Variants in ARIH1 observed in about 807,000 individuals in gnomAD.
ARIH1 encodes the protein E3 ubiquitin-protein ligase ARIH1.
In ARIH1, 8 loss-of-function variants were observed where a neutral mutation model predicts 85.0. The observed-to-expected ratio is 0.09, with a 90% confidence interval of 0.06 to 0.17. The LOEUF (loss-of-function observed/expected upper bound fraction) is 0.17. ARIH1 is among the 10% of genes least tolerant of loss of function. The probability of loss-of-function intolerance (pLI) is 1.00; values close to 1 mark genes in which losing one functional copy is unlikely to be tolerated. For synonymous variants in ARIH1, 238 were observed against 253.6 expected (o/e 0.94, Z 0.59); for missense variants, 311 against 718.1 (o/e 0.43, Z 6.48).
chr15:72,501,609 T>A (rs905540227), intron 1 of ARIH1, among the ~76,000 whole-genome samples: 1 of 152,238 alleles, frequency 6.6e-6, no homozygotes, highest in South Asian at 2.1e-4. Flanking sequence ...TTTGCTTGTG[T>A]GTTTGGTGGA....
At position 72,599,810 on chromosome 15, in the gene ARIH1, CAG is replaced by C. The variant is rs2064376071; in HGVS notation, c.*16519_*16520del. 6.6e-6 allele frequency: 1 copy of C among 152,092 alleles called. No individual in the cohort carries two copies. Among genetic ancestry groups the C allele is most frequent in the South Asian group, 2.1e-4 (1 of 4,824 alleles). 9.4% of individuals were successfully genotyped at this position (152,092 alleles called of 1,614,324 possible). A position where few individuals can be genotyped will look rare whatever the true frequency, so the allele number is the denominator to read the frequency against. On this transcript the variant is annotated 3_prime_UTR_variant, in exon 14 of 14. Coordinates refer to ENST00000379887, the MANE Select transcript of ARIH1 (RefSeq NM_005744.5). ...CTGGTGATGGACATTTCCATGTTTCCAGTATTTTTTCTCACAAACAATGCAGT... is the reference window on the plus strand; with the variant it reads ...CTGGTGATGGACATTTCCATGTTTCCTATTTTTTCTCACAAACAATGCAGT...
At chr15:72,527,804 G>T (rs16957050) in intron 2 of ARIH1, among the ~76,000 whole-genome samples, 4,543 of 152,212 alleles carry the variant, frequency 0.03, 113 homozygotes, top group East Asian at 0.11. Flanking sequence ...GCTTTGCACT[G>T]TATTGTTTAT....
intron 3 of ARIH1, among the ~76,000 whole-genome samples, chr15:72,548,683 T>C (rs2064140169): frequency 6.6e-6 from 1 of 152,220 alleles, no homozygotes; most frequent in African/African-American, 2.4e-5. Context: ...CTCTTCAGTT[T>C]TGGAAGTAAA....
At chr15:72,537,171 C>T (rs2064086021) in intron 2 of ARIH1, among the ~76,000 whole-genome samples, 1 of 151,924 alleles carries the variant, frequency 6.6e-6, no homozygotes, top group African/African-American at 2.4e-5. Flanking sequence ...GGTTTTCTAT[C>T]CTTAACTCCT....
intron 1 of ARIH1, among the ~76,000 whole-genome samples, chr15:72,475,812 G>A (rs2063792749): frequency 1.3e-5 from 2 of 152,182 alleles, no homozygotes; most frequent in Middle Eastern, 3.2e-3. Flanking sequence ...TTTTCTGCTT[G>A]TGAACTCCTT....
chr15:72,528,627 G>A (rs1174250575), intron 2 of ARIH1, among the ~76,000 whole-genome samples: 3 of 152,164 alleles, frequency 2.0e-5, no homozygotes, highest in African/African-American at 7.2e-5. Context: ...ACTGTGGCAG[G>A]AAGATCGCTT....
chr15:72,477,804 G>GT (rs1432829188), intron 1 of ARIH1, among the ~76,000 whole-genome samples: 1 of 152,160 alleles, frequency 6.6e-6, no homozygotes, highest in African/African-American at 2.4e-5. Context: ...AAAAATCAGA[G>GT]TTTTTTATTT....
intron 2 of ARIH1, among the ~76,000 whole-genome samples, chr15:72,518,854 A>G (rs960809757): frequency 2.6e-5 from 4 of 151,932 alleles, no homozygotes; most frequent in African/African-American, 9.7e-5. Flanking sequence ...TTTATTCAGT[A>G]GAAACAAAAT....
intron 3 of ARIH1, among the ~76,000 whole-genome samples, chr15:72,553,207 G>A (rs1216473643): frequency 1.3e-5 from 2 of 152,016 alleles, no homozygotes; most frequent in Admixed American, 6.6e-5. Flanking sequence ...TTTAAAATAA[G>A]GTAACCATTA....
At chr15:72,556,027 T>G in intron 5 of ARIH1, 120 bp downstream of exon 5, 1 of 795,630 alleles carries the variant, frequency 1.3e-6, no homozygotes, top group Non-Finnish European at 2.0e-6. Flanking sequence ...CTTTTTAATC[T>G]GCGTTCCTTA....
At chr15:72,577,442 G>A (rs1457732070) in intron 11 of ARIH1, among the ~76,000 whole-genome samples, 1 of 152,058 alleles carries the variant, frequency 6.6e-6, no homozygotes, top group Non-Finnish European at 1.5e-5. Flanking sequence ...GGAAGCTGAG[G>A]TGGGCAGATT....
chr15:72,561,997 TAAAAG>T (rs1318306179), intron 6 of ARIH1, among the ~76,000 whole-genome samples: 1 of 151,222 alleles, frequency 6.6e-6, no homozygotes, highest in Non-Finnish European at 1.5e-5. Context: ...TAAAATAAAA[TAAAAG>T]AGTATGAGAA....
chr15:72,493,327 T>C (rs553131268), intron 1 of ARIH1, among the ~76,000 whole-genome samples: 1 of 152,154 alleles, frequency 6.6e-6, no homozygotes, highest in African/African-American at 2.4e-5. Context: ...TTACTTCTTA[T>C]GGATTGTTGA....
chr15:72,563,620 C>A, intron 7 of ARIH1, 120 bp downstream of exon 7: 1 of 787,920 alleles, frequency 1.3e-6, no homozygotes, highest in Non-Finnish European at 2.1e-6. Flanking sequence ...ATGTTTGATA[C>A]TGGTTTAAAA....
chr15:72,566,356 A>G, intron 7 of ARIH1: 1 of 537,958 alleles, frequency 1.9e-6, no homozygotes, highest in East Asian at 3.2e-5. Flanking sequence ...CATTCTTCAC[A>G]CATATTGAGT....
intron 1 of ARIH1, among the ~76,000 whole-genome samples, chr15:72,497,877 A>C (rs1443788437): frequency 1.3e-5 from 2 of 152,212 alleles, no homozygotes; most frequent in African/African-American, 4.8e-5. Context: ...TGTGACTCAA[A>C]TGCTGATGTT....
chr15:72,575,897 G>A (rs1019258160), intron 11 of ARIH1, among the ~76,000 whole-genome samples: 17 of 152,078 alleles, frequency 1.1e-4, no homozygotes, highest in African/African-American at 3.9e-4. Flanking sequence ...TGAGGGTCTC[G>A]CAGTGGCATG....
intron 2 of ARIH1, 93 bp from the exon 3 acceptor site, chr15:72,544,727 T>G: frequency 8.9e-7 from 1 of 1,129,616 alleles, no homozygotes; most frequent in Non-Finnish European, 1.2e-6. Flanking sequence ...TTAATTCAAC[T>G]TCTTGCTTTT....
chr15:72,535,612 A>C (rs1261898084), intron 2 of ARIH1, among the ~76,000 whole-genome samples: 1 of 152,230 alleles, frequency 6.6e-6, no homozygotes, highest in Non-Finnish European at 1.5e-5. Context: ...AATCGTTATC[A>C]AAACAATAAA....
Sources: gnomAD v4.1 joint callset for allele counts (sites outside exome capture counted in the v4.1 genomes callset) on GRCh38, gnomAD v4.1.1 for gene constraint, MANE v1.5 for transcripts, NCBI Gene and HGNC (gene_info 2026-07-23, HGNC 2026-07-21) for gene names.